TARDBP: variants seen among roughly 807,000 people sequenced by gnomAD.
TARDBP encodes TAR DNA binding protein, also known as TAR DNA-binding protein 43.
A neutral mutation model predicts 38.3 loss-of-function variants in TARDBP; 4 were observed. The ratio of observed to expected loss-of-function variants is 0.10; its 90% confidence interval spans 0.05 to 0.24. The LOEUF (loss-of-function observed/expected upper bound fraction) is 0.24. Among genes scored for constraint, TARDBP ranks in the 10% least tolerant of loss-of-function variants. The pLI, the probability that TARDBP is intolerant of heterozygous loss-of-function variation, is 1.00. For synonymous variants in TARDBP, 184 were observed against 183.8 expected (o/e 1.00, Z -0.01); for missense variants, 202 against 521.9 (o/e 0.39, Z 5.97).
chr1:11,028,550 C>G (rs576602861), downstream of TARDBP, among the ~76,000 whole-genome samples: 1 of 152,150 alleles, frequency 6.6e-6, no homozygotes, highest in East Asian at 1.9e-4. Flanking sequence ...AAATTAAATA[C>G]GCCCATTAAT....
chr1:11,014,085 C>T, intron 2 of TARDBP, 120 bp downstream of exon 2: 1 of 1,031,916 alleles, frequency 9.7e-7, no homozygotes, highest in Non-Finnish European at 1.5e-6. Flanking sequence ...TTTCCTTGAA[C>T]TTCAGTGTTA....
At chr1:11,027,731 A>G (rs1338712272), downstream of TARDBP, 3 of 1,443,648 alleles carry the variant, frequency 2.1e-6, no homozygotes, top group Non-Finnish European at 2.8e-6. Context: ...CTTGAAGTAT[A>G]TATTTGATGT....
At chr1:11,020,340 G>C in intron 4 of TARDBP, 89 bp from the exon 5 acceptor site, 1 of 1,517,510 alleles carries the variant, frequency 6.6e-7, no homozygotes, top group Non-Finnish European at 9.1e-7. Context: ...TATCCAAGGC[G>C]AATGATTTTG....
intron 5 of TARDBP, among the ~76,000 whole-genome samples, chr1:11,021,512 A>C (rs1643638489): frequency 6.6e-6 from 1 of 152,090 alleles, no homozygotes; most frequent in Non-Finnish European, 1.5e-5. Flanking sequence ...TCCTGACCTC[A>C]GGTGATCCAC....
chr1:11,013,529 A>G (rs989253117), intron 1 of TARDBP, among the ~76,000 whole-genome samples, 187 bp from the exon 2 acceptor site: 2 of 152,244 alleles, frequency 1.3e-5, no homozygotes, highest in Non-Finnish European at 2.9e-5. Context: ...GCGAGGCATC[A>G]CATTTTGATA....
intron 2 of TARDBP, among the ~76,000 whole-genome samples, chr1:11,014,890 T>G (rs929187612): frequency 2.0e-5 from 3 of 151,802 alleles, no homozygotes; most frequent in African/African-American, 7.3e-5. Context: ...GAGCAGAGAT[T>G]GTGCCATTGC....
intron 1 of TARDBP, among the ~76,000 whole-genome samples, 165 bp downstream of exon 1, chr1:11,012,908 C>T (rs983470377): frequency 4.6e-5 from 7 of 152,238 alleles, no homozygotes; most frequent in Non-Finnish European, 8.8e-5. Context: ...TCGTTAGGTC[C>T]TGGCACGGGG....
downstream of TARDBP, chr1:11,027,427 G>T: frequency 1.2e-6 from 2 of 1,614,192 alleles, no homozygotes; most frequent in Non-Finnish European, 1.7e-6. Context: ...GTATAATGAG[G>T]TGATAGTCTT....
chr1:11,027,663 A>G, downstream of TARDBP: 1 of 1,578,738 alleles, frequency 6.3e-7, no homozygotes. Context: ...AGAAAGAAGC[A>G]GATAGGTAGA....
chr1:11,024,926 G>T lies in TARDBP; in HGVS notation c.*2272G>T, dbSNP rs2100861761. 1 of 98,184 alleles carries T rather than the reference G, an allele frequency of 1.0e-5. No homozygotes were observed. Among genetic ancestry groups the T allele is most frequent in the East Asian group, 3.1e-4 (1 of 3,216 alleles). 6.1% of individuals were successfully genotyped at this position (98,184 alleles called of 1,614,324 possible). On this transcript the variant is annotated 3_prime_UTR_variant, in exon 6 of 6. Coordinates refer to ENST00000240185, the MANE Select transcript of TARDBP (RefSeq NM_007375.4). ...TACCTAATTAGATTATGATAAATAGGTTTGTCATTTTGCAAGTTACATAAA... is the reference window on the plus strand; with the variant it reads ...TACCTAATTAGATTATGATAAATAGTTTTGTCATTTTGCAAGTTACATAAA...
At position 11,023,817 on chromosome 1, in the gene TARDBP, T is replaced by C. The variant is rs1643684656; in HGVS notation, c.*1163T>C. 2.0e-5 allele frequency: 3 copies of C among 153,466 alleles called. No homozygotes were observed. The highest frequency in any genetic ancestry group is 3.8e-4 in the East Asian group (2 of 5,202). 9.5% of individuals were successfully genotyped at this position (153,466 alleles called of 1,614,324 possible). A position where few individuals can be genotyped will look rare whatever the true frequency, so the allele number is the denominator to read the frequency against. On this transcript the variant is annotated 3_prime_UTR_variant, in exon 6 of 6. Transcript: ENST00000240185. Reference sequence around the variant, plus strand: ...GATATGTAAGTGTGGCAATGTGAACTGAAGCTGATGGGCTGAGAACATGGA... The same window carrying C: ...GATATGTAAGTGTGGCAATGTGAACCGAAGCTGATGGGCTGAGAACATGGA...
downstream of TARDBP, among the ~76,000 whole-genome samples, chr1:11,027,976 C>CTT (rs1157595733): frequency 3.9e-5 from 6 of 152,124 alleles, no homozygotes; most frequent in Non-Finnish European, 8.8e-5. Flanking sequence ...AATCCCAGCA[C>CTT]TTTGGGAGGC....
chr1:11,017,456 C>T (rs759087172), intron 3 of TARDBP, among the ~76,000 whole-genome samples: 5 of 152,156 alleles, frequency 3.3e-5, no homozygotes, highest in Non-Finnish European at 5.9e-5. Flanking sequence ...CTGCCTTGGC[C>T]TCCCAAAGTG....
At chr1:11,029,283 A>T (rs552111138), downstream of TARDBP, among the ~76,000 whole-genome samples, 5 of 151,100 alleles carry the variant, frequency 3.3e-5, no homozygotes, top group Middle Eastern at 6.8e-3. Flanking sequence ...TACAGGCGTG[A>T]GCCACCATGC....
chr1:11,013,458 A>G (rs1446170639), intron 1 of TARDBP, among the ~76,000 whole-genome samples: 1 of 152,206 alleles, frequency 6.6e-6, no homozygotes, highest in Non-Finnish European at 1.5e-5. Context: ...ACTCACAGTT[A>G]CAGTTTCAGT....
chr1:11,018,479 G>A (rs1474828663), intron 3 of TARDBP: 32 of 496,046 alleles, frequency 6.5e-5, no homozygotes, highest in South Asian at 3.9e-4. Flanking sequence ...GTGAGCCACC[G>A]CGCCTGGCCC....
At chr1:11,016,581 T>G (rs1415009736) in intron 2 of TARDBP, among the ~76,000 whole-genome samples, 2 of 152,210 alleles carry the variant, frequency 1.3e-5, no homozygotes, top group African/African-American at 2.4e-5. Context: ...TTGATAAACC[T>G]TTTGAGAGGG....
At chr1:11,027,550 TTCCAC>T (rs1391760681), downstream of TARDBP, 1 of 1,614,084 alleles carries the variant, frequency 6.2e-7, no homozygotes, top group Non-Finnish European at 8.5e-7. Context: ...GCTGCTGTGG[TTCCAC>T]CTAATATCAG....
At position 11,013,975 on chromosome 1, in the gene TARDBP, C is replaced by G; in HGVS notation, c.238+10C>G. Reference sequence around the variant, plus strand: ...GTCAACTATCCAAAAGGTTTGTTACCATTTGGTTTTTGTAATCATGCTGAA... The same window carrying G: ...GTCAACTATCCAAAAGGTTTGTTACGATTTGGTTTTTGTAATCATGCTGAA... On this transcript the variant is annotated intron_variant, in intron 2 of 5. Coordinates refer to ENST00000240185, the MANE Select transcript of TARDBP (RefSeq NM_007375.4). 6.2e-7 allele frequency: 1 copy of G among 1,613,808 alleles called. No individual in the cohort carries two copies. Among genetic ancestry groups the G allele is most frequent in the Non-Finnish European group, 8.5e-7 (1 of 1,179,782 alleles).
Sources: allele counts gnomAD v4.1 joint callset (sites outside exome capture counted in the v4.1 genomes callset), GRCh38; gene constraint gnomAD v4.1.1; transcripts MANE v1.5; gene names NCBI Gene and HGNC (gene_info 2026-07-23, HGNC 2026-07-21).